The following TTC29 variants were observed in gnomAD, a reference collection of about 807,000 sequenced individuals.
TTC29 encodes tetratricopeptide repeat domain 29, also known as tetratricopeptide repeat protein 29.
Under a neutral mutation model 58.1 loss-of-function variants are expected in TTC29, and 49 were observed. That is an observed-to-expected ratio of 0.84 (90% CI 0.67 to 1.07). The LOEUF is 1.07. Ranked by LOEUF, TTC29 falls within the 50% of genes least tolerant of loss-of-function variation. TTC29 has a pLI of 0.00. For synonymous variants in TTC29, 209 were observed against 196.8 expected (o/e 1.06, Z -0.52); for missense variants, 582 against 555.6 (o/e 1.05, Z -0.48).
At chr4:146,759,347 A>G (rs2150059254) in intron 11 of TTC29, among the ~76,000 whole-genome samples, 1 of 152,106 alleles carries the variant, frequency 6.6e-6, no homozygotes, top group African/African-American at 2.4e-5. Context: ...CAAAATTAGC[A>G]AGAAACATTC....
rs1173715770 is a variant in TTC29 at position 146,707,620 on chromosome 4, C to T, written c.1331-69G>A. 7.1e-6 allele frequency: 8 copies of T among 1,134,208 alleles called. No individual in the cohort carries two copies. The Admixed American group carries it at 1.6e-4, about 22-fold the overall frequency. 70.3% of individuals were successfully genotyped at this position (1,134,208 alleles called of 1,614,324 possible). A position where few individuals can be genotyped will look rare whatever the true frequency, so the allele number is the denominator to read the frequency against. On this transcript the variant is annotated intron_variant, in intron 11 of 12. Coordinates refer to ENST00000325106, the MANE Select transcript of TTC29 (RefSeq NM_031956.4). Reference sequence around the variant, plus strand: ...GTTTATAGTTATTTTGATCTTGAACCTGGGAATCCCTTTTCAGGGATATCT... The same window carrying T: ...GTTTATAGTTATTTTGATCTTGAACTTGGGAATCCCTTTTCAGGGATATCT...
chr4:146,761,961 AAAAAAC>A (rs901914626), intron 11 of TTC29, among the ~76,000 whole-genome samples: 10 of 151,928 alleles, frequency 6.6e-5, no homozygotes, highest in East Asian at 1.9e-4. Context: ...AGCAGATTTA[AAAAAAC>A]AAAAACAAAA....
At chr4:146,715,650 T>C (rs1742874863) in intron 11 of TTC29, among the ~76,000 whole-genome samples, 1 of 152,126 alleles carries the variant, frequency 6.6e-6, no homozygotes. Flanking sequence ...TGTTGGTTAA[T>C]GGATACAAAA....
At chr4:146,892,280 C>T (rs1039676961) in intron 6 of TTC29, among the ~76,000 whole-genome samples, 2 of 152,128 alleles carry the variant, frequency 1.3e-5, no homozygotes, top group Admixed American at 6.6e-5. Flanking sequence ...TTTCCTGAGG[C>T]CACCACAGCC....
At chr4:146,806,148 A>G (rs962473300) in intron 10 of TTC29, among the ~76,000 whole-genome samples, 2 of 152,246 alleles carry the variant, frequency 1.3e-5, no homozygotes, top group African/African-American at 4.8e-5. Context: ...TTCATAAGCT[A>G]AGGAGAAATG....
intron 8 of TTC29, among the ~76,000 whole-genome samples, chr4:146,862,096 T>C (rs1453791427): frequency 6.6e-6 from 1 of 152,088 alleles, no homozygotes. Context: ...GTGAAGACAA[T>C]GTTGGTAACA....
At chr4:146,733,779 G>T (rs749274265) in intron 11 of TTC29, among the ~76,000 whole-genome samples, 1 of 152,146 alleles carries the variant, frequency 6.6e-6, no homozygotes, top group African/African-American at 2.4e-5. Flanking sequence ...GCTGTTATTA[G>T]TGTGTGAACA....
At chr4:146,741,184 G>A (rs1047417468) in intron 11 of TTC29, among the ~76,000 whole-genome samples, 9 of 152,192 alleles carry the variant, frequency 5.9e-5, no homozygotes, top group Non-Finnish European at 1.3e-4. Context: ...CACATGATAC[G>A]TAAGTAATAT....
intron 11 of TTC29, among the ~76,000 whole-genome samples, chr4:146,710,836 C>T (rs1213471559): frequency 1.3e-5 from 2 of 152,082 alleles, no homozygotes; most frequent in East Asian, 3.9e-4. Context: ...CTCATTTATA[C>T]CACCACTTAG....
chr4:146,835,841 G>A (rs1451269292), intron 8 of TTC29, among the ~76,000 whole-genome samples: 1 of 152,114 alleles, frequency 6.6e-6, no homozygotes, highest in Non-Finnish European at 1.5e-5. Context: ...TAGAAGGGTA[G>A]GTTCCCAAGA....
intron 11 of TTC29, among the ~76,000 whole-genome samples, chr4:146,743,274 T>G (rs534095006): frequency 2.0e-4 from 30 of 152,334 alleles, no homozygotes; most frequent in African/African-American, 7.0e-4. Flanking sequence ...AATATGTATT[T>G]TGAGTGTTCT....
chr4:146,943,125 A>C (rs1736566680), intron 2 of TTC29: 1 of 149,624 alleles, frequency 6.7e-6, no homozygotes, highest in African/African-American at 2.4e-5. Flanking sequence ...CAAATGACAT[A>C]CATGGAGAGG....
chr4:146,901,944 T>C (rs541028819), intron 6 of TTC29, among the ~76,000 whole-genome samples: 18 of 152,328 alleles, frequency 1.2e-4, no homozygotes, highest in African/African-American at 3.1e-4. Flanking sequence ...TCACTGTTTG[T>C]TGAATGAACC....
At chr4:146,842,949 G>A (rs1263191070) in intron 8 of TTC29, among the ~76,000 whole-genome samples, 3 of 152,102 alleles carry the variant, frequency 2.0e-5, no homozygotes, top group East Asian at 1.9e-4. Context: ...CCCTTTAGCC[G>A]TTTCACAGTT....
intron 11 of TTC29, among the ~76,000 whole-genome samples, chr4:146,714,481 G>A (rs1388246553): frequency 6.6e-6 from 1 of 151,422 alleles, no homozygotes; most frequent in Non-Finnish European, 1.5e-5. Context: ...AGAAAGAATT[G>A]AAACATAGTT....
At chr4:146,800,765 A>T (rs1396771283) in intron 11 of TTC29, among the ~76,000 whole-genome samples, 1 of 152,244 alleles carries the variant, frequency 6.6e-6, no homozygotes, top group African/African-American at 2.4e-5. Context: ...CTTGGTACCT[A>T]GTAGATGCCA....
intron 11 of TTC29, among the ~76,000 whole-genome samples, chr4:146,743,550 T>G (rs1161692491): frequency 6.6e-6 from 1 of 152,214 alleles, no homozygotes; most frequent in Non-Finnish European, 1.5e-5. Flanking sequence ...TAAGACACTC[T>G]GGTTTTATGG....
chr4:146,713,111 C>CGTGTGTGTGTGTGTGTGTGT (rs10678715), intron 11 of TTC29, among the ~76,000 whole-genome samples: 74 of 139,646 alleles, frequency 5.3e-4, no homozygotes, highest in African/African-American at 1.8e-3. Context: ...GAGAATTGAT[C>CGTGTGTGTGTGTGTGTGTGT]GTGTGTGTGT....
At chr4:146,869,615 T>C (rs1730798148) in intron 7 of TTC29, among the ~76,000 whole-genome samples, 1 of 152,108 alleles carries the variant, frequency 6.6e-6, no homozygotes, top group African/African-American at 2.4e-5. Flanking sequence ...ATGTGGTATG[T>C]ATTTTCTGTG....
Sources: gnomAD v4.1 joint callset for allele counts (sites outside exome capture counted in the v4.1 genomes callset) on GRCh38, gnomAD v4.1.1 for gene constraint, MANE v1.5 for transcripts, NCBI Gene and HGNC (gene_info 2026-07-23, HGNC 2026-07-21) for gene names.